ADGRG2: variants seen among roughly 807,000 people sequenced by gnomAD.
The protein encoded by ADGRG2 is G protein-coupled receptor 64.
A neutral mutation model predicts 74.1 loss-of-function variants in ADGRG2; 26 were observed. That is an observed-to-expected ratio of 0.35 (90% CI 0.26 to 0.49). The LOEUF is 0.49. Among genes scored for constraint, ADGRG2 ranks in the 20% least tolerant of loss-of-function variants. The pLI is 0.99. For synonymous variants in ADGRG2, 296 were observed against 295.2 expected, an observed-to-expected ratio of 1.00 and a Z score of -0.03; for missense variants, 619 against 763.1, an observed-to-expected ratio of 0.81 and a Z score of 2.22.
intron 1 of ADGRG2, among the ~76,000 whole-genome samples, chrX:19,087,965 G>A (rs772699497): frequency 1.3e-4 from 14 of 110,913 alleles, no homozygotes; most frequent in African/African-American, 3.9e-4. Context: ...CCTCTGCCCA[G>A]AGCTGGAGAA....
intron 1 of ADGRG2, among the ~76,000 whole-genome samples, chrX:19,102,074 T>C (rs1233143777): frequency 1.8e-5 from 2 of 109,503 alleles, no homozygotes; most frequent in Non-Finnish European, 3.8e-5. Flanking sequence ...AGATGAAGTA[T>C]TGCGGTGAAA....
chrX:19,093,447 T>C (rs2062043423), intron 1 of ADGRG2, among the ~76,000 whole-genome samples: 1 of 111,819 alleles, frequency 8.9e-6, no homozygotes, highest in African/African-American at 3.2e-5. Flanking sequence ...TGTTCACTCC[T>C]ATGCGTGGAT....
chrX:19,025,724 C>T (rs2060686695), intron 11 of ADGRG2, among the ~76,000 whole-genome samples: 2 of 110,438 alleles, frequency 1.8e-5, no homozygotes, highest in South Asian at 7.8e-4. Flanking sequence ...GGCAAAACCC[C>T]GTCTCTACTA....
chrX:19,014,163 G>A (rs1282753956), intron 15 of ADGRG2, 89 bp from the exon 16 acceptor site: 13 of 729,072 alleles, frequency 1.8e-5, no homozygotes, highest in South Asian at 8.4e-5. Flanking sequence ...ATCTGACACC[G>A]TCAAGTTGAC....
chrX:19,122,440 A>C lies in ADGRG2; in HGVS notation c.-47+2T>G, dbSNP rs967583737. The C allele has an allele frequency of 1.8e-5, 2 of 110,993 alleles. No individual in the cohort carries two copies. The highest frequency in any genetic ancestry group is 3.2e-5 in the African/African-American group (1 of 30,784). The allele number at this position is 110,993 out of a possible 1,213,427, so 9.1% of individuals were successfully genotyped here. A position where few individuals can be genotyped will look rare whatever the true frequency, so the allele number is the denominator to read the frequency against. ...AGACCCGTCCTGGCGCCGAGCGCTT[A>C]CCTGCCGCTCGCGTCCTCGGGGCTG... On this transcript the variant is annotated splice_donor_variant, in intron 1 of 28. Coordinates refer to ENST00000379869, the MANE Select transcript of ADGRG2 (RefSeq NM_001079858.3). LOFTEE classifies it low-confidence loss of function (5UTR_SPLICE).
intron 15 of ADGRG2, among the ~76,000 whole-genome samples, chrX:19,016,526 TTTTA>T (rs1569376678): frequency 9.1e-6 from 1 of 109,876 alleles, no homozygotes; most frequent in Non-Finnish European, 1.9e-5. Context: ...TGTTTTTATT[TTTTA>T]TTTTTTATTA....
chrX:19,025,222 G>A (rs1339091932), intron 11 of ADGRG2, among the ~76,000 whole-genome samples: 6 of 111,600 alleles, frequency 5.4e-5, no homozygotes, highest in Admixed American at 9.5e-5. Flanking sequence ...GCACTGTATT[G>A]TTATTTGTTG....
intron 21 of ADGRG2, 56 bp from the exon 22 acceptor site, chrX:19,006,161 T>C (rs2060226743): frequency 2.7e-6 from 3 of 1,109,785 alleles, no homozygotes; most frequent in Non-Finnish European, 3.7e-6. Context: ...CACCAGTGAC[T>C]TCACACCCTC....
intron 2 of ADGRG2, among the ~76,000 whole-genome samples, chrX:19,080,411 G>A (rs2061827213): frequency 9.0e-6 from 1 of 111,027 alleles, no homozygotes; most frequent in Non-Finnish European, 1.9e-5. Context: ...GAGCAGAATA[G>A]CATAGGATTC....
intron 2 of ADGRG2, among the ~76,000 whole-genome samples, chrX:19,074,390 C>A (rs764855566): frequency 1.8e-5 from 2 of 108,303 alleles, no homozygotes; most frequent in African/African-American, 3.4e-5. Context: ...CAGGCATGTA[C>A]CACCATGCCT....
At position 19,033,646 on chromosome X, in the gene ADGRG2, T is replaced by C. The variant is rs775311749; in HGVS notation, c.271A>G (p.Lys91Glu). ...TTGAAGGTTTTTACTATAGTGATTT[T>C]AGTTTTTTCTGCAAAGAAACAACTT... ...LLPSNETEKTKITIVKTFNAS... is the reference protein window; with the variant it reads ...LLPSNETEKTEITIVKTFNAS... Residue 91 changes from lysine (K) to glutamate (E), a missense_variant, in exon 8 of 29, where the codon AAA (lysine) becomes GAA (glutamate). By Grantham distance (56) the Lys-to-Glu change is moderately conservative. Transcript: ENST00000379869. The C allele has an allele frequency of 1.2e-6, 1 of 814,356 alleles. No homozygotes were observed. Among genetic ancestry groups the C allele is most frequent in the Admixed American group, 2.5e-5 (1 of 39,874 alleles). 67.1% of individuals were successfully genotyped at this position (814,356 alleles called of 1,213,427 possible).
chrX:19,037,063 T>C (rs777170766), intron 6 of ADGRG2, among the ~76,000 whole-genome samples: 37 of 111,929 alleles, frequency 3.3e-4, no homozygotes, highest in Non-Finnish European at 5.3e-4. Context: ...AAATCATCTG[T>C]AAAAAGGCTG....
intron 1 of ADGRG2, among the ~76,000 whole-genome samples, chrX:19,104,296 G>C (rs2062241283): frequency 1.8e-5 from 2 of 110,762 alleles, no homozygotes; most frequent in Non-Finnish European, 3.8e-5. Context: ...ATGTGATCAA[G>C]CTTCTGAGGC....
chrX:19,040,284 G>T, intron 3 of ADGRG2, 60 bp from the exon 4 acceptor site: 1 of 781,606 alleles, frequency 1.3e-6, no homozygotes, highest in Non-Finnish European at 1.9e-6. Context: ...CAATAAAATT[G>T]TACTATATTA....
At chrX:19,013,508 A>G (rs189081549) in intron 16 of ADGRG2, among the ~76,000 whole-genome samples, 178 bp downstream of exon 16, 1 of 112,175 alleles carries the variant, frequency 8.9e-6, no homozygotes, top group Admixed American at 9.5e-5. Flanking sequence ...ATATTGATTA[A>G]ATTAGATATG....
At chrX:19,054,251 G>C (rs1206503628) in intron 3 of ADGRG2, among the ~76,000 whole-genome samples, 2 of 111,796 alleles carry the variant, frequency 1.8e-5, no homozygotes. Context: ...AGAAGCAGAG[G>C]GCTTCAGGAA....
At chrX:19,006,448 C>A (rs906883487) in intron 20 of ADGRG2, among the ~76,000 whole-genome samples, 183 bp from the exon 21 acceptor site, 1 of 110,738 alleles carries the variant, frequency 9.0e-6, no homozygotes, top group African/African-American at 3.3e-5. Context: ...CCTAAATAGA[C>A]CAGCACTTCT....
intron 13 of ADGRG2, chrX:19,021,479 C>T (rs1025357327): frequency 4.8e-5 from 16 of 334,820 alleles, no homozygotes; most frequent in African/African-American, 2.4e-4. Context: ...CCTGTCTACA[C>T]GATGAACAGG....
Position 19,010,638 on chromosome X carries a change from C to T in ADGRG2, c.1240G>A (p.Asp414Asn), listed in dbSNP as rs757284437. 8.3e-6 allele frequency: 10 copies of T among 1,206,759 alleles called. No homozygotes were observed. The East Asian group carries it at 2.7e-4, about 32-fold the overall frequency. Reference protein sequence around the residue: ...QVSRLLHSPPDMLAPLAQRLL... With the variant: ...QVSRLLHSPPNMLAPLAQRLL... ...CTTTGAGCCAGAGGGGCCAGCATGTCAGGCGGGGAATGAAGGAGTCTGCTG... is the reference window on the plus strand; with the variant it reads ...CTTTGAGCCAGAGGGGCCAGCATGTTAGGCGGGGAATGAAGGAGTCTGCTG... The change falls in exon 17 of 29, where the codon GAC becomes AAC. Residue 414 changes from aspartate to asparagine, a missense_variant. Physicochemically the swap from Asp to Asn is conservative, Grantham distance 23. Coordinates refer to ENST00000379869, the MANE Select transcript of ADGRG2 (RefSeq NM_001079858.3).
Sources: allele counts gnomAD v4.1 joint callset (sites outside exome capture counted in the v4.1 genomes callset), GRCh38; gene constraint gnomAD v4.1.1; transcripts MANE v1.5; gene names NCBI Gene and HGNC (gene_info 2026-07-23, HGNC 2026-07-21).